DAB2IP: variants seen among roughly 807,000 people sequenced by gnomAD.
DAB2IP encodes DAB2 interacting protein.
In DAB2IP, 28 loss-of-function variants were observed where a neutral mutation model predicts 107.2. The observed-to-expected ratio is 0.26, with a 90% confidence interval of 0.19 to 0.36. The LOEUF is 0.36. Among genes scored for constraint, DAB2IP ranks in the 10% least tolerant of loss-of-function variants. The pLI, the probability that DAB2IP is intolerant of heterozygous loss-of-function variation, is 1.00. For synonymous variants in DAB2IP, 755 were observed against 706.4 expected, an observed-to-expected ratio of 1.07 and a Z score of -1.09; for missense variants, 1,400 against 1,644.7, an observed-to-expected ratio of 0.85 and a Z score of 2.57.
intron 1 of DAB2IP, among the ~76,000 whole-genome samples, chr9:121,639,039 C>A (rs1302325741): frequency 1.3e-5 from 2 of 152,134 alleles, no homozygotes; most frequent in African/African-American, 4.8e-5. Flanking sequence ...GGGGCCATAT[C>A]CACTGACCAC....
Position 121,776,300 on chromosome 9 carries a change from C to G in DAB2IP, c.3223C>G (p.Leu1075Val), listed in dbSNP as rs748082532. ...GGAGGAGACGACGCAGAAGCTGGTGCTGGAGTACCAGGCACGGCTGGAGGA... is the reference window on the plus strand; with the variant it reads ...GGAGGAGACGACGCAGAAGCTGGTGGTGGAGTACCAGGCACGGCTGGAGGA... The change falls in exon 14 of 16, where the codon CTG becomes GTG. Residue 1075 changes from leucine to valine, a missense_variant. Physicochemically the swap from Leu to Val is conservative, Grantham distance 32. Transcript: ENST00000408936. The surrounding 1 kb of genome is among the most constrained non-coding windows in gnomAD (Gnocchi z 5.4). 6.4e-7 allele frequency: 1 copy of G among 1,574,316 alleles called. No homozygotes were observed. The highest frequency in any genetic ancestry group is 1.2e-5 in the South Asian group (1 of 85,652).
rs1038501482 is a variant in DAB2IP, at chr9:121,633,802, A to G, written c.41-44876A>G. On this transcript the variant is annotated intron_variant, in intron 1 of 16. Transcript: ENST00000259371. The surrounding 1 kb of genome is among the most constrained non-coding windows in gnomAD (Gnocchi z 5.1). ...CATCCTCCAGGCCCAAACCCTCACC[A>G]TAGTCTAAGTACATGGCATTTGGAT... 6.6e-6 allele frequency among the ~76,000 whole-genome samples: 1 copy of G among 152,192 alleles called. No individual in the cohort carries two copies. The highest frequency in any genetic ancestry group is 2.4e-5 in the African/African-American group (1 of 41,448).
exon 8 of DAB2IP, chr9:121,763,859 C>T: frequency 6.2e-7 from 1 of 1,614,088 alleles, no homozygotes; most frequent in East Asian, 2.2e-5. Flanking sequence ...TGGCCTTCTG[C>T]AAGATCATCA....
At chr9:121,605,472 T>A (rs1203586190) in intron 1 of DAB2IP, among the ~76,000 whole-genome samples, 1 of 152,168 alleles carries the variant, frequency 6.6e-6, no homozygotes, top group Non-Finnish European at 1.5e-5. Context: ...CAAATGAGAA[T>A]AGCCAAATTC....
chr9:121,605,268 G>A (rs951298561), intron 1 of DAB2IP, among the ~76,000 whole-genome samples: 2 of 152,010 alleles, frequency 1.3e-5, no homozygotes, highest in African/African-American at 2.4e-5. Flanking sequence ...TGATCCACCC[G>A]CCTCAGGCTC....
chr9:121,688,786 A>C (rs886348267), intron 2 of DAB2IP, among the ~76,000 whole-genome samples: 1 of 152,216 alleles, frequency 6.6e-6, no homozygotes, highest in African/African-American at 2.4e-5. Flanking sequence ...AAGGTGCACG[A>C]GACAGAGAGA....
chr9:121,752,047 C>T, intron 3 of DAB2IP: 2 of 984,946 alleles, frequency 2.0e-6, no homozygotes, highest in Non-Finnish European at 1.2e-6. Flanking sequence ...TTAGAAGGGT[C>T]TCGGCTGGGG....
Position 121,738,098 on chromosome 9 carries a change from C to G in DAB2IP, c.363-18915C>G, listed in dbSNP as rs115654462. Among the ~76,000 whole-genome samples the G allele has an allele frequency of 9.1e-3, 1,384 of 152,228 alleles. 20 individuals are homozygous for G. The highest frequency in any genetic ancestry group is 0.031 in the African/African-American group (1,293 of 41,532). ...CACAGCTCAGAGAAGGCCAAGCAGG[C>G]AAGGTTGTGGGGCACCTGGAAGGTG... On this transcript the variant is annotated intron_variant, in intron 3 of 15. Transcript: ENST00000408936.
chr9:121,689,756 TC>T (rs554194034), intron 2 of DAB2IP, among the ~76,000 whole-genome samples: 92 of 151,576 alleles, frequency 6.1e-4, no homozygotes, highest in African/African-American at 1.7e-3. Flanking sequence ...CCCGGGAGAC[TC>T]CCCCCCCATG....
intron 1 of DAB2IP, among the ~76,000 whole-genome samples, chr9:121,676,489 C>A (rs974437832): frequency 2.6e-5 from 4 of 152,208 alleles, no homozygotes; most frequent in African/African-American, 9.7e-5. Context: ...TTCACACCTA[C>A]CAGGGAAACC....
chr9:121,655,769 G>C (rs924207030), intron 1 of DAB2IP, among the ~76,000 whole-genome samples: 2 of 152,126 alleles, frequency 1.3e-5, no homozygotes, highest in African/African-American at 4.8e-5. Context: ...TTTCATCTGA[G>C]TTTTTCTAGG....
chr9:121,608,502 G>A (rs949181912), intron 1 of DAB2IP, among the ~76,000 whole-genome samples: 20 of 152,172 alleles, frequency 1.3e-4, no homozygotes, highest in African/African-American at 4.8e-4. Context: ...GATGGGCTTG[G>A]GGAGCAGCCG....
intron 3 of DAB2IP, among the ~76,000 whole-genome samples, chr9:121,718,875 A>C (rs1830762510): frequency 6.6e-6 from 1 of 152,154 alleles, no homozygotes; most frequent in African/African-American, 2.4e-5. Flanking sequence ...TTCTGCTTAA[A>C]GCTGGCTCTG....
At chr9:121,661,358 G>A (rs754391959) in intron 1 of DAB2IP, among the ~76,000 whole-genome samples, 1 of 152,120 alleles carries the variant, frequency 6.6e-6, no homozygotes, top group Non-Finnish European at 1.5e-5. Context: ...TACAGTCATG[G>A]TTCCACCTGG....
intron 3 of DAB2IP, among the ~76,000 whole-genome samples, chr9:121,723,329 T>C (rs1371295040): frequency 6.6e-6 from 1 of 152,214 alleles, no homozygotes; most frequent in Non-Finnish European, 1.5e-5. Context: ...GAGTTATTTC[T>C]GTTTTTGCTC....
intron 2 of DAB2IP, among the ~76,000 whole-genome samples, chr9:121,693,541 A>G (rs2118700804): frequency 6.6e-6 from 1 of 152,344 alleles, no homozygotes; most frequent in South Asian, 2.1e-4. Flanking sequence ...CCCTTCTCCA[A>G]GGCTCTCTCT....
At chr9:121,585,202 C>T (rs1393520782) in intron 1 of DAB2IP, among the ~76,000 whole-genome samples, 2 of 152,214 alleles carry the variant, frequency 1.3e-5, no homozygotes, top group Non-Finnish European at 2.9e-5. Flanking sequence ...CGGCCAACAA[C>T]ACCTCTGTCC....
rs80257281 is a variant in DAB2IP at position 121,601,355 on chromosome 9, T to C, written c.40+34127T>C. 4.0e-3 allele frequency among the ~76,000 whole-genome samples: 603 copies of C among 152,276 alleles called. 3 individuals are homozygous for C. Among genetic ancestry groups the C allele is most frequent in the African/African-American group, 0.014 (579 of 41,558 alleles). ...TCCCCACTTGGTGAACATCTAGTCT[T>C]TTTTGCTAGGATCCTCTAGTGACGG... On this transcript the variant is annotated intron_variant, in intron 1 of 16. Transcript: ENST00000259371.
chr9:121,763,178 C>G (rs571045075), intron 6 of DAB2IP, among the ~76,000 whole-genome samples: 18 of 152,206 alleles, frequency 1.2e-4, no homozygotes, highest in Non-Finnish European at 2.4e-4. Flanking sequence ...CAGGCCTGAT[C>G]AGGGCTGTAC....
Sources: gnomAD v4.1 joint callset for allele counts (sites outside exome capture counted in the v4.1 genomes callset) on GRCh38, gnomAD v4.1.1 for gene constraint, Gnocchi (gnomAD v3.1) non-coding constraint, MANE v1.5 for transcripts, NCBI Gene and HGNC (gene_info 2026-07-23, HGNC 2026-07-21) for gene names.